KHNYN: variants seen among roughly 807,000 people sequenced by gnomAD.
KHNYN encodes KH and NYN domain containing.
A neutral mutation model predicts 62.7 loss-of-function variants in KHNYN; 42 were observed. That is an observed-to-expected ratio of 0.67 (90% CI 0.52 to 0.87). The LOEUF is 0.87. KHNYN is among the 40% of genes least tolerant of loss of function. The probability of loss-of-function intolerance (pLI) is 0.00; values close to 1 mark genes in which losing one functional copy is unlikely to be tolerated. For missense variants in KHNYN, 829 were observed against 874.1 expected (o/e 0.95, Z 0.65); for synonymous variants, 347 against 345.6 (o/e 1.00, Z -0.04).
the KHNYN span, among the ~76,000 whole-genome samples, chr14:24,424,086 T>G: frequency 2.0e-5 from 3 of 152,216 alleles, no homozygotes; most frequent in African/African-American, 7.2e-5. Context: ...TCTAAAAGCT[T>G]CATTTTGGTA....
At chr14:24,430,638 T>C (rs1051873527) in intron 1 of KHNYN, 76 bp from the exon 2 acceptor site, 2 of 1,506,074 alleles carry the variant, frequency 1.3e-6, no homozygotes, top group African/African-American at 2.8e-5. Context: ...GACCTGTTGA[T>C]AGCTGGTGTA....
intron 5 of KHNYN, among the ~76,000 whole-genome samples, chr14:24,433,494 TAGAA>T (rs1384354541): frequency 2.6e-5 from 4 of 152,202 alleles, no homozygotes; most frequent in Non-Finnish European, 5.9e-5. Context: ...CATGGTATAA[TAGAA>T]AGATCACTGG....
Position 24,439,871 on chromosome 14 carries a change from A to T in KHNYN, c.*2586A>T, listed in dbSNP as rs1594761528. On this transcript the variant is annotated 3_prime_UTR_variant, in exon 8 of 8. Coordinates refer to ENST00000553935, the MANE Select transcript of KHNYN (RefSeq NM_015299.3). ...GACATGTAGAGAAACCAAACTGGGA[A>T]ATCTTACAAGGAGTTGAAAAGATTA... 2 of 508,920 alleles carry T rather than the reference A, an allele frequency of 3.9e-6. No individual in the cohort carries two copies. Among genetic ancestry groups the T allele is most frequent in the East Asian group, 6.2e-5 (2 of 32,152 alleles). The allele number at this position is 508,920 out of a possible 1,614,324, so 31.5% of individuals were successfully genotyped here.
At chr14:24,426,645 T>C (rs1302598552), upstream of KHNYN, 3 of 152,246 alleles carry the variant, frequency 2.0e-5, no homozygotes, top group East Asian at 5.8e-4. Context: ...TTAGTAATTC[T>C]ATAGTGTCTC....
chr14:24,427,688 G>A, upstream of KHNYN: 1 of 1,073,398 alleles, frequency 9.3e-7, no homozygotes, highest in Middle Eastern at 2.1e-4. This position sits in a 1 kb window ranked among gnomAD's most constrained non-coding sequence, Gnocchi z 4.4. Flanking sequence ...TGGGATAGGA[G>A]CCAGAGGGAG....
chr14:24,426,484 C>T (rs1474767402), upstream of KHNYN: 1 of 152,116 alleles, frequency 6.6e-6, no homozygotes, highest in African/African-American at 2.4e-5. Context: ...CTTTTCAAAA[C>T]CACAAATTCA....
chr14:24,428,698 G>C, upstream of KHNYN: 1 of 1,509,406 alleles, frequency 6.6e-7, no homozygotes, highest in African/African-American at 1.4e-5. Flanking sequence ...TTGGACAGTT[G>C]CTTCCAGGTC....
At chr14:24,430,472 CT>C in intron 1 of KHNYN, 2 of 1,343,874 alleles carry the variant, frequency 1.5e-6, no homozygotes, top group Non-Finnish European at 9.6e-7. Flanking sequence ...TGTGGTCATC[CT>C]TTTCCAAAGC....
chr14:24,436,996 C>T lies in KHNYN; in HGVS notation c.1788-40C>T, dbSNP rs773294886. 16 of 1,586,344 alleles carry T rather than the reference C, an allele frequency of 1.0e-5. No homozygotes were observed. In the South Asian group the frequency reaches 1.1e-4, roughly 11 times the overall value. ...GCCCACTAAGATCTAATTTCCCCCC[C>T]AGGATGCTCATCAGCTCTTTTTGGT... is the stretch of plus-strand genomic sequence containing the variant. On this transcript the variant is annotated intron_variant, in intron 7 of 7. Transcript: ENST00000553935.
chr14:24,436,179 G>C lies in KHNYN; in HGVS notation c.1685G>C (p.Arg562Pro), dbSNP rs750392087. ...AAGTGGATGGCAATCATCAGAGAAC[G>C]GTGAGGGAGCCCTCCCGCTGAGAAC... is the stretch of plus-strand genomic sequence containing the variant. Reference protein sequence around the residue: ...SEKWMAIIRERLLPFTFVGNL... With the variant: ...SEKWMAIIREPLLPFTFVGNL... Residue 562 changes from arginine to proline, a missense_variant and splice_region_variant, in exon 6 of 8, where the codon CGC becomes CCC. Arg to Pro is a moderately radical substitution (Grantham distance 103). This residue lies in a region of KHNYN where 270 missense variants were observed against 347.1 expected (regional missense o/e 0.78). Transcript: ENST00000553935. The C allele has an allele frequency of 1.2e-6, 2 of 1,611,584 alleles. No individual in the cohort carries two copies. Among genetic ancestry groups the C allele is most frequent in the Non-Finnish European group, 1.7e-6 (2 of 1,177,810 alleles).
upstream of KHNYN, chr14:24,428,020 C>A (rs1202686166): frequency 5.6e-6 from 9 of 1,595,552 alleles, no homozygotes; most frequent in Non-Finnish European, 7.7e-6. Context: ...CCCCATTCCC[C>A]AGCCCTTAGC....
chr14:24,438,306 C>T lies in KHNYN; in HGVS notation c.*1021C>T, dbSNP rs562319598. On this transcript the variant is annotated 3_prime_UTR_variant, in exon 8 of 8. Coordinates refer to ENST00000553935, the MANE Select transcript of KHNYN (RefSeq NM_015299.3). ...ATGAACACGTCGATTTTTCACCAAT[C>T]GATGAAGCCATGCTCTGCAATGACA... is the stretch of plus-strand genomic sequence containing the variant. 1.3e-5 allele frequency: 2 copies of T among 149,970 alleles called. No individual in the cohort carries two copies. The highest frequency in any genetic ancestry group is 6.6e-5 in the Admixed American group (1 of 15,162). The allele number at this position is 149,970 out of a possible 1,614,324, so 9.3% of individuals were successfully genotyped here.
upstream of KHNYN, chr14:24,427,754 G>T: frequency 1.2e-6 from 2 of 1,604,484 alleles, no homozygotes; most frequent in Non-Finnish European, 1.7e-6. This position sits in a 1 kb window ranked among gnomAD's most constrained non-coding sequence, Gnocchi z 4.4. Context: ...AAAGTTGTCA[G>T]GGGCTGGATT....
intron 5 of KHNYN, chr14:24,434,333 G>A (rs893673221): frequency 1.9e-5 from 19 of 985,096 alleles, no homozygotes; most frequent in Non-Finnish European, 2.2e-5. Context: ...ACAACATACT[G>A]TGTAATGCGA....
chr14:24,432,389 C>T lies in KHNYN; in HGVS notation c.1128C>T (p.Cys376=), dbSNP rs146188248. ...GGCACTGTGGAGACCGGGGTGACTG[C>T]GGAGACCGGGGAGACGTGGGGGACA... ...PPWHCGDRGD[C]GDRGDVGDRG... Residue 376 remains cysteine, a synonymous_variant, in exon 3 of 8, where the codon TGC becomes TGT. Transcript: ENST00000553935. This position sits in a 1 kb window ranked among gnomAD's most constrained non-coding sequence, Gnocchi z 5.6. The T allele has an allele frequency of 2.5e-5, 41 of 1,613,612 alleles. No homozygotes were observed. In the African/African-American group the frequency reaches 3.1e-4, roughly 12 times the overall value.
At chr14:24,436,229 T>C in intron 6 of KHNYN, 50 bp downstream of exon 6, 1 of 1,539,534 alleles carries the variant, frequency 6.5e-7, no homozygotes, top group African/African-American at 1.4e-5. Flanking sequence ...GATGTTTTTC[T>C]AAAGCCAGCT....
intron 5 of KHNYN, among the ~76,000 whole-genome samples, chr14:24,434,687 G>A (rs1348186190): frequency 1.2e-4 from 19 of 152,228 alleles, no homozygotes; most frequent in Non-Finnish European, 1.8e-4. Context: ...ACAGGCGTGA[G>A]CCACCAAGCC....
At chr14:24,430,655 G>A in intron 1 of KHNYN, 59 bp from the exon 2 acceptor site, 14 of 1,525,166 alleles carry the variant, frequency 9.2e-6, no homozygotes, top group Non-Finnish European at 1.2e-5. Flanking sequence ...TGTAGTCCCA[G>A]GAACCAGGAT....
Position 24,439,973 on chromosome 14 carries a change from A to C in KHNYN, c.*2688A>C. On this transcript the variant is annotated 3_prime_UTR_variant, in exon 8 of 8. Transcript: ENST00000553935. Reference sequence around the variant, plus strand: ...GAACAATGGGAAAGAGGACTGGGAGAGGAATCTAAGAACCAGATGGCTTCA... The same window carrying C: ...GAACAATGGGAAAGAGGACTGGGAGCGGAATCTAAGAACCAGATGGCTTCA... The C allele has an allele frequency of 1.2e-6, 1 of 818,436 alleles. No individual in the cohort carries two copies. The highest frequency in any genetic ancestry group is 1.9e-6 in the Non-Finnish European group (1 of 531,766). 50.7% of individuals were successfully genotyped at this position (818,436 alleles called of 1,614,324 possible).
Sources: allele counts gnomAD v4.1 joint callset (sites outside exome capture counted in the v4.1 genomes callset), GRCh38; gene constraint gnomAD v4.1.1; regional missense constraint gnomAD v4.1.1; non-coding constraint Gnocchi (gnomAD v3.1); transcripts MANE v1.5; gene names NCBI Gene and HGNC (gene_info 2026-07-23, HGNC 2026-07-21).